The following CSMD1 variants were observed in gnomAD, a reference collection of about 807,000 sequenced individuals.
CSMD1 encodes CUB and Sushi multiple domains 1.
A neutral mutation model predicts 417.5 loss-of-function variants in CSMD1; 213 were observed. That is an observed-to-expected ratio of 0.51 (90% confidence interval 0.46 to 0.57). CSMD1 has a LOEUF of 0.57. Ranked by LOEUF, CSMD1 falls within the 20% of genes least tolerant of loss-of-function variation. The probability of loss-of-function intolerance (pLI) is 0.00; values close to 1 mark genes in which losing one functional copy is unlikely to be tolerated. For missense variants in CSMD1, 6,923 were observed against 4,529.7 expected (o/e 1.53, Z -15.17); for synonymous variants, 2,862 against 1,736.8 (o/e 1.65, Z -16.11).
At chr8:4,030,400 G>A (rs761288545) in intron 4 of CSMD1, among the ~76,000 whole-genome samples, 1 of 152,184 alleles carries the variant, frequency 6.6e-6, no homozygotes, top group African/African-American at 2.4e-5. Flanking sequence ...ACATTCGCAG[G>A]CTCAACACCA....
Position 3,754,100 on chromosome 8 carries a change from A to G in CSMD1, c.819-58T>C, listed in dbSNP as rs188889015. 3.0e-3 allele frequency: 3,306 copies of G among 1,095,862 alleles called. 10 individuals carry two copies. Among genetic ancestry groups the G allele is most frequent in the Non-Finnish European group, 3.4e-3 (2,497 of 727,006 alleles). 67.9% of individuals were successfully genotyped at this position (1,095,862 alleles called of 1,614,324 possible). ...TGTAAACCAACAGAGCAAATGTCCT[A>G]TATCAAACCCGCTTTGAAATCCGAT... On this transcript the variant is annotated intron_variant, in intron 5 of 69. Transcript: ENST00000635120.
chr8:3,943,242 A>G (rs1339701953), intron 5 of CSMD1, among the ~76,000 whole-genome samples: 2 of 152,056 alleles, frequency 1.3e-5, no homozygotes, highest in African/African-American at 4.8e-5. Flanking sequence ...TACAATCAAC[A>G]TTTTAAATAA....
chr8:4,803,561 T>C (rs545247632), intron 1 of CSMD1, among the ~76,000 whole-genome samples: 3 of 152,312 alleles, frequency 2.0e-5, no homozygotes, highest in South Asian at 2.1e-4. Context: ...AGCTGTTTTA[T>C]TTATAAAATC....
chr8:4,589,841 A>G (rs1286898954), intron 2 of CSMD1, among the ~76,000 whole-genome samples: 2 of 152,208 alleles, frequency 1.3e-5, no homozygotes, highest in African/African-American at 4.8e-5. Context: ...TCTGGAATGC[A>G]GCGTATTAAT....
At chr8:4,429,520 A>C (rs78448994) in intron 2 of CSMD1, among the ~76,000 whole-genome samples, 11,524 of 152,192 alleles carry the variant, frequency 0.076, 541 homozygotes, top group South Asian at 0.13. Flanking sequence ...GTAGAATTCA[A>C]GTTGGATCAG....
rs373940167 is a variant in CSMD1 at position 2,974,547 on chromosome 8, G to A, written c.8644C>T (p.His2882Tyr). The A allele has an allele frequency of 8.7e-6, 14 of 1,613,224 alleles. No individual in the cohort carries two copies. The highest frequency in any genetic ancestry group is 1.6e-4 in the Middle Eastern group (1 of 6,082). The change falls in exon 56 of 70, where the codon CAC becomes TAC. Residue 2882 changes from histidine (H) to tyrosine (Y), a missense_variant. His to Tyr is a moderately conservative substitution (Grantham distance 83). Coordinates refer to ENST00000635120, the MANE Select transcript of CSMD1 (RefSeq NM_033225.6). ...GELFTYGAVV[H>Y]YSCRGSESLI... is the part of the protein sequence containing the mutation. ...CTCTCGCTCCCTCTGCAGGAGTAGT[G>A]CACGACGGCGCCATAGGTAAACAGC...
chr8:4,361,933 C>G (rs1245772850), intron 3 of CSMD1, among the ~76,000 whole-genome samples: 2 of 152,074 alleles, frequency 1.3e-5, no homozygotes, highest in South Asian at 4.2e-4. Context: ...CCAAGGCCCT[C>G]CAGCCTGGGC....
chr8:3,872,751 G>C (rs2129113919), intron 5 of CSMD1, among the ~76,000 whole-genome samples: 1 of 151,370 alleles, frequency 6.6e-6, no homozygotes, highest in East Asian at 2.0e-4. Flanking sequence ...TTCAAAACCG[G>C]AGAAATTTTT....
At chr8:3,767,242 C>G (rs2623645) in intron 5 of CSMD1, among the ~76,000 whole-genome samples, 17,762 of 152,260 alleles carry the variant, frequency 0.12, 1,195 homozygotes, top group Non-Finnish European at 0.15. Context: ...AAGAGCAGCT[C>G]AGGCTCTTTT....
chr8:3,216,226 G>A (rs1338956501), intron 29 of CSMD1, among the ~76,000 whole-genome samples: 1 of 151,914 alleles, frequency 6.6e-6, no homozygotes, highest in African/African-American at 2.4e-5. Flanking sequence ...CTTTGTAACT[G>A]CATTAAATCC....
At chr8:3,499,260 A>C (rs1022851563) in intron 10 of CSMD1, among the ~76,000 whole-genome samples, 3 of 152,168 alleles carry the variant, frequency 2.0e-5, no homozygotes, top group Admixed American at 6.5e-5. Flanking sequence ...GGTTGTAATC[A>C]ATGTCTGCAT....
intron 34 of CSMD1, among the ~76,000 whole-genome samples, chr8:3,189,420 C>T (rs1258330575): frequency 2.0e-5 from 3 of 152,144 alleles, no homozygotes; most frequent in South Asian, 2.1e-4. Flanking sequence ...AGAGAAGAGG[C>T]GCTTAAAATG....
intron 10 of CSMD1, among the ~76,000 whole-genome samples, chr8:3,524,822 A>C (rs1016991114): frequency 3.3e-5 from 5 of 151,982 alleles, no homozygotes; most frequent in African/African-American, 1.2e-4. Flanking sequence ...ACAGACACAC[A>C]TGCACACACA....
intron 4 of CSMD1, among the ~76,000 whole-genome samples, chr8:4,001,421 G>C (rs754838075): frequency 2.0e-5 from 3 of 152,154 alleles, no homozygotes; most frequent in African/African-American, 4.8e-5. Context: ...TAGGGAGTTT[G>C]TAGGGCTCCG....
rs552046217 is a variant in CSMD1, at chr8:3,780,175, C to CAGGTTAA, written c.819-26140_819-26134dup. ...CATAGTATGCACAAATCCAATATGACAGGTTAAAAGTTAAAAGCATCCTTT... is the reference window on the plus strand; with the variant it reads ...CATAGTATGCACAAATCCAATATGACAGGTTAAAGGTTAAAAGTTAAAAGCATCCTTT... On this transcript the variant is annotated intron_variant, in intron 5 of 69. Coordinates refer to ENST00000635120, the MANE Select transcript of CSMD1 (RefSeq NM_033225.6). Among the ~76,000 whole-genome samples the CAGGTTAA allele has an allele frequency of 1.7e-4, 26 of 152,286 alleles. No individual in the cohort carries two copies. The East Asian group carries it at 3.7e-3, about 21-fold the overall frequency.
chr8:3,111,602 T>C lies in CSMD1; in HGVS notation c.6431-1267A>G, dbSNP rs113495121. The stretch of plus-strand genomic sequence containing the variant: ...ATCCCAGCACTTTGGGAGACTGAGG[T>C]GGGTGGATCACCTGAGGTCAGGAGT... On this transcript the variant is annotated intron_variant, in intron 42 of 69. Transcript: ENST00000635120. Among the ~76,000 whole-genome samples the C allele has an allele frequency of 1.3e-3, 197 of 152,104 alleles. 3 individuals carry two copies. In the South Asian group the frequency reaches 0.017, roughly 13 times the overall value.
At chr8:3,483,057 C>T (rs923989907) in intron 11 of CSMD1, among the ~76,000 whole-genome samples, 3 of 151,952 alleles carry the variant, frequency 2.0e-5, no homozygotes, top group South Asian at 2.1e-4. Context: ...TAAGTTCCTA[C>T]CTCAAGATTC....
chr8:4,063,924 TC>T (rs1799109990), intron 3 of CSMD1, among the ~76,000 whole-genome samples: 1 of 152,188 alleles, frequency 6.6e-6, no homozygotes, highest in Non-Finnish European at 1.5e-5. Context: ...TGATAAATCA[TC>T]TTTCATCCAG....
Position 4,723,836 on chromosome 8 carries a change from T to C in CSMD1, c.86-86278A>G, listed in dbSNP as rs766533294. On this transcript the variant is annotated intron_variant, in intron 1 of 69. Transcript: ENST00000635120. The stretch of plus-strand genomic sequence containing the variant: ...ACAAAACAAAACAGTGCCTGAATCA[T>C]GGAGGACCTTGTAAGGTGTTCCCAT... 2.0e-5 allele frequency among the ~76,000 whole-genome samples: 3 copies of C among 148,808 alleles called. No homozygotes were observed. In the South Asian group the frequency reaches 6.3e-4, roughly 31 times the overall value.
Sources: gnomAD v4.1 joint callset for allele counts (sites outside exome capture counted in the v4.1 genomes callset) on GRCh38, gnomAD v4.1.1 for gene constraint, MANE v1.5 for transcripts, NCBI Gene and HGNC (gene_info 2026-07-23, HGNC 2026-07-21) for gene names.